The following MMP16 variants were observed in gnomAD, a reference collection of about 807,000 sequenced individuals.
MMP16 encodes matrix metallopeptidase 16.
Under a neutral mutation model 67.8 loss-of-function variants are expected in MMP16, and 12 were observed. The observed-to-expected ratio is 0.18, with a 90% CI of 0.11 to 0.29. The LOEUF (loss-of-function observed/expected upper bound fraction) is 0.29. Among genes scored for constraint, MMP16 ranks in the 10% least tolerant of loss-of-function variants. The probability of loss-of-function intolerance (pLI) is 1.00; values close to 1 mark genes in which losing one functional copy is unlikely to be tolerated. For missense variants in MMP16, 475 were observed against 765.7 expected, an observed-to-expected ratio of 0.62 and a Z score of 4.48; for synonymous variants, 249 against 255.9, an observed-to-expected ratio of 0.97 and a Z score of 0.26.
intron 1 of MMP16, among the ~76,000 whole-genome samples, chr8:88,236,252 C>T (rs1372545462): frequency 2.0e-5 from 3 of 152,186 alleles, no homozygotes; most frequent in African/African-American, 4.8e-5. Context: ...AAGTCTGCAG[C>T]GGAATCTAAA....
chr8:88,217,526 C>T (rs560887638), intron 1 of MMP16, among the ~76,000 whole-genome samples: 1 of 152,030 alleles, frequency 6.6e-6, no homozygotes, highest in Non-Finnish European at 1.5e-5. Flanking sequence ...CCTTTCTGCA[C>T]TTCTTACACC....
At chr8:88,111,529 A>C (rs1184317612) in intron 6 of MMP16, among the ~76,000 whole-genome samples, 1 of 151,640 alleles carries the variant, frequency 6.6e-6, no homozygotes, top group Non-Finnish European at 1.5e-5. Flanking sequence ...GAGCAAAATA[A>C]GATAGAGGAG....
In MMP16 at chr8:88,034,712, TA is replaced by T. The variant is rs2118164842; in HGVS notation, c.*6748del. ...TCTTAACAATTGGATTGTTAATATA[TA>T]GAGGAAACAGGTTCAAATTGGCATT... On this transcript the variant is annotated 3_prime_UTR_variant, in exon 10 of 10. Transcript: ENST00000286614. 1 of 152,010 alleles carries T rather than the reference TA, an allele frequency of 6.6e-6. No homozygotes were observed. Among genetic ancestry groups the T allele is most frequent in the East Asian group, 1.9e-4 (1 of 5,188 alleles). 9.4% of individuals were successfully genotyped at this position (152,010 alleles called of 1,614,324 possible).
intron 4 of MMP16, among the ~76,000 whole-genome samples, chr8:88,143,667 AGATAAGGGTCTTGAGGGACT>A (rs1422364388): frequency 5.3e-5 from 8 of 152,048 alleles, no homozygotes; most frequent in Non-Finnish European, 8.8e-5. Flanking sequence ...TAGGTTGATT[AGATAAGGGTCTTGAGGGACT>A]GAACAGGAGT....
intron 4 of MMP16, among the ~76,000 whole-genome samples, chr8:88,166,722 T>C (rs940620440): frequency 3.0e-5 from 4 of 134,186 alleles, no homozygotes; most frequent in Admixed American, 1.5e-4. Flanking sequence ...TATATATATA[T>C]ATATATATTC....
intron 4 of MMP16, among the ~76,000 whole-genome samples, chr8:88,162,799 T>C (rs926108227): frequency 2.0e-5 from 3 of 152,002 alleles, no homozygotes; most frequent in Admixed American, 2.0e-4. Context: ...TCCCACCATG[T>C]GTAGATGTGC....
chr8:88,142,571 G>T (rs1808229888), intron 4 of MMP16, among the ~76,000 whole-genome samples: 1 of 151,860 alleles, frequency 6.6e-6, no homozygotes, highest in South Asian at 2.1e-4. Flanking sequence ...TTTACACAAA[G>T]ATATTGTTTA....
intron 4 of MMP16, among the ~76,000 whole-genome samples, chr8:88,138,818 A>G (rs1808164846): frequency 6.6e-6 from 1 of 152,026 alleles, no homozygotes; most frequent in African/African-American, 2.4e-5. Context: ...ACACACACAT[A>G]CACATATACA....
intron 2 of MMP16, among the ~76,000 whole-genome samples, chr8:88,194,326 A>C (rs1480706433): frequency 6.6e-6 from 1 of 152,084 alleles, no homozygotes; most frequent in Admixed American, 6.6e-5. Context: ...CATTATATTA[A>C]TACTGAGGAA....
chr8:88,060,869 T>C (rs1462745228), intron 7 of MMP16, among the ~76,000 whole-genome samples: 3 of 152,052 alleles, frequency 2.0e-5, no homozygotes, highest in Admixed American at 2.0e-4. Context: ...ACATGGCTAC[T>C]CAAATATAGG....
At chr8:88,293,009 C>T (rs1810950598) in intron 1 of MMP16, among the ~76,000 whole-genome samples, 1 of 152,154 alleles carries the variant, frequency 6.6e-6, no homozygotes, top group Non-Finnish European at 1.5e-5. Context: ...ACAGTGCCTT[C>T]ATGTCTATCC....
chr8:88,233,324 C>G (rs1159399256), intron 1 of MMP16, among the ~76,000 whole-genome samples: 1 of 152,102 alleles, frequency 6.6e-6, no homozygotes, highest in Admixed American at 6.6e-5. Flanking sequence ...GTCTGCTTTT[C>G]TACATTTCTA....
At chr8:88,303,062 C>T (rs1811129535) in intron 1 of MMP16, among the ~76,000 whole-genome samples, 1 of 152,166 alleles carries the variant, frequency 6.6e-6, no homozygotes, top group Non-Finnish European at 1.5e-5. Flanking sequence ...GGGTCTGATA[C>T]ACAGAGCTAT....
At chr8:88,072,473 A>C (rs150866350) in intron 7 of MMP16, among the ~76,000 whole-genome samples, 21 of 152,224 alleles carry the variant, frequency 1.4e-4, no homozygotes, top group African/African-American at 4.6e-4. Flanking sequence ...TGGAGGAAAG[A>C]GTTGCCACAG....
chr8:88,189,396 A>C (rs1298082765), intron 2 of MMP16, among the ~76,000 whole-genome samples: 8 of 152,084 alleles, frequency 5.3e-5, no homozygotes, highest in Non-Finnish European at 8.8e-5. Flanking sequence ...TGAAAGCCTT[A>C]GCATCTTCTA....
intron 1 of MMP16, among the ~76,000 whole-genome samples, chr8:88,230,543 T>C (rs1029648429): frequency 1.3e-5 from 2 of 151,826 alleles, no homozygotes; most frequent in Admixed American, 6.6e-5. Flanking sequence ...TTCTTTTTTT[T>C]TTTTTTTTTA....
intron 4 of MMP16, among the ~76,000 whole-genome samples, chr8:88,141,946 G>A (rs1036205603): frequency 6.0e-5 from 9 of 149,754 alleles, no homozygotes; most frequent in African/African-American, 9.8e-5. Context: ...ACAGAGTCTC[G>A]CTCTGTCGCC....
At chr8:88,175,125 A>C (rs899450114) in intron 3 of MMP16, among the ~76,000 whole-genome samples, 4 of 152,152 alleles carry the variant, frequency 2.6e-5, no homozygotes, top group African/African-American at 9.7e-5. Context: ...AGAAGAGAAA[A>C]GTGTATATTG....
chr8:88,144,806 A>G, intron 4 of MMP16, among the ~76,000 whole-genome samples: 1 of 152,108 alleles, frequency 6.6e-6, no homozygotes, highest in South Asian at 2.1e-4. Context: ...TATCCAAGAT[A>G]CAATTTAAGA....
Sources: gnomAD v4.1 joint callset for allele counts (sites outside exome capture counted in the v4.1 genomes callset) on GRCh38, gnomAD v4.1.1 for gene constraint, MANE v1.5 for transcripts, NCBI Gene and HGNC (gene_info 2026-07-23, HGNC 2026-07-21) for gene names.